Variants in PRTG observed in about 807,000 individuals in gnomAD.
PRTG encodes immunoglobulin superfamily, DCC subclass, member 5.
Under a neutral mutation model 122.5 loss-of-function variants are expected in PRTG, and 67 were observed. That is an observed-to-expected ratio of 0.55 (90% confidence interval 0.45 to 0.67). The LOEUF is 0.67. PRTG is among the 30% of genes least tolerant of loss of function. The probability of loss-of-function intolerance (pLI) is 0.00; values close to 1 mark genes in which losing one functional copy is unlikely to be tolerated. For synonymous variants in PRTG, 554 were observed against 501.1 expected (o/e 1.11, Z -1.41); for missense variants, 1,435 against 1,415.4 (o/e 1.01, Z -0.22).
intron 11 of PRTG, among the ~76,000 whole-genome samples, chr15:55,660,274 A>AAAACC (rs1195268278): frequency 6.6e-6 from 1 of 152,214 alleles, no homozygotes; most frequent in Non-Finnish European, 1.5e-5. Context: ...AAACAAAACA[A>AAAACC]AAACCACAAG....
chr15:55,612,696 C>G lies in PRTG; in HGVS notation c.*7316G>C. 1.1e-5 allele frequency: 1 copy of G among 90,598 alleles called. No individual in the cohort carries two copies. Among genetic ancestry groups the G allele is most frequent in the East Asian group, 2.7e-4 (1 of 3,728 alleles). 5.6% of individuals were successfully genotyped at this position (90,598 alleles called of 1,614,324 possible). ...ATTCTCTCTTTAACTCTTTAAAAGC[C>G]AATATATATATATATATATATATAT... On this transcript the variant is annotated 3_prime_UTR_variant, in exon 20 of 20. Coordinates refer to ENST00000389286, the MANE Select transcript of PRTG (RefSeq NM_173814.6).
At chr15:55,621,354 AAAAACAAAAC>A (rs990153907) in intron 18 of PRTG, among the ~76,000 whole-genome samples, 2 of 151,702 alleles carry the variant, frequency 1.3e-5, no homozygotes, top group Admixed American at 1.3e-4. Context: ...CCGTCTCAAA[AAAAACAAAAC>A]AAAACAAAAT....
intron 13 of PRTG, 90 bp from the exon 14 acceptor site, chr15:55,638,766 A>G: frequency 8.7e-7 from 1 of 1,153,376 alleles, no homozygotes; most frequent in Non-Finnish European, 1.2e-6. Flanking sequence ...TAAGGGCATA[A>G]TGTTATTTTT....
rs966246341 is a variant in PRTG at position 55,639,551 on chromosome 15, C to T, written c.2324+91G>A. 36 of 1,157,950 alleles carry T rather than the reference C, an allele frequency of 3.1e-5. No homozygotes were observed. In the African/African-American group the frequency reaches 4.6e-4, roughly 15 times the overall value. The allele number at this position is 1,157,950 out of a possible 1,614,324, so 71.7% of individuals were successfully genotyped here. A position where few individuals can be genotyped will look rare whatever the true frequency, so the allele number is the denominator to read the frequency against. ...GAAACAAATGCTTACAGGTGAAGCC[C>T]GAGCTGGGCCCAAGATGGTAAGAGG... On this transcript the variant is annotated intron_variant, in intron 13 of 19. Transcript: ENST00000389286.
chr15:55,671,502 T>C (rs2059471283), intron 11 of PRTG, among the ~76,000 whole-genome samples: 1 of 151,970 alleles, frequency 6.6e-6, no homozygotes, highest in Non-Finnish European at 1.5e-5. Flanking sequence ...CTTTTCTTTT[T>C]TCTTTTTTTT....
At chr15:55,620,290 C>A in intron 19 of PRTG, 24 bp from the exon 20 acceptor site, 1 of 1,611,368 alleles carries the variant, frequency 6.2e-7, no homozygotes, top group Non-Finnish European at 8.5e-7. Flanking sequence ...GATAAGATGG[C>A]AATGAGATAC....
chr15:55,726,019 C>T (rs1032701800), intron 2 of PRTG, among the ~76,000 whole-genome samples: 7 of 152,162 alleles, frequency 4.6e-5, no homozygotes, highest in African/African-American at 1.7e-4. Flanking sequence ...TCTCGGCTCA[C>T]TGCAACTTCC....
chr15:55,734,269 C>T (rs1047379834), intron 2 of PRTG, among the ~76,000 whole-genome samples: 1 of 152,100 alleles, frequency 6.6e-6, no homozygotes, highest in Non-Finnish European at 1.5e-5. Flanking sequence ...GAGTCAATCA[C>T]ATTCTGAGTA....
intron 2 of PRTG, among the ~76,000 whole-genome samples, chr15:55,734,992 C>T (rs1437944524): frequency 6.6e-6 from 1 of 152,184 alleles, no homozygotes; most frequent in Non-Finnish European, 1.5e-5. Context: ...AGGGCAACTG[C>T]AAATATTACT....
At chr15:55,651,098 A>C (rs2059350886) in intron 11 of PRTG, among the ~76,000 whole-genome samples, 1 of 152,200 alleles carries the variant, frequency 6.6e-6, no homozygotes, top group Non-Finnish European at 1.5e-5. Context: ...TTTGTAAAAC[A>C]GGGGCCCTAT....
chr15:55,628,139 G>A (rs1346925122), intron 16 of PRTG, among the ~76,000 whole-genome samples: 2 of 151,958 alleles, frequency 1.3e-5, no homozygotes, highest in East Asian at 1.9e-4. Flanking sequence ...CCCTGGCACC[G>A]AATGACCATT....
rs2059143759 is a variant in PRTG at position 55,616,800 on chromosome 15, A to G, written c.*3212T>C. ...ATAATTGTATTGCTTTTAATTATGT[A>G]AACTTAGCCCTTTGATATTTTTTGC... On this transcript the variant is annotated 3_prime_UTR_variant, in exon 20 of 20. Transcript: ENST00000389286. 6.6e-6 allele frequency: 1 copy of G among 152,154 alleles called. No individual in the cohort carries two copies. Among genetic ancestry groups the G allele is most frequent in the Non-Finnish European group, 1.5e-5 (1 of 67,978 alleles). 9.4% of individuals were successfully genotyped at this position (152,154 alleles called of 1,614,324 possible). A position where few individuals can be genotyped will look rare whatever the true frequency, so the allele number is the denominator to read the frequency against.
chr15:55,685,951 C>G (rs2059568246), intron 2 of PRTG, among the ~76,000 whole-genome samples: 1 of 152,100 alleles, frequency 6.6e-6, no homozygotes, highest in South Asian at 2.1e-4. Flanking sequence ...AGCTACTTTT[C>G]ATTGCTTCTG....
At chr15:55,688,764 G>A (rs2059584398) in intron 2 of PRTG, among the ~76,000 whole-genome samples, 1 of 152,184 alleles carries the variant, frequency 6.6e-6, no homozygotes, top group African/African-American at 2.4e-5. Flanking sequence ...AACCTGGGAG[G>A]CAGAGGTTGC....
chr15:55,680,813 A>T (rs1317861859), intron 4 of PRTG, among the ~76,000 whole-genome samples, 185 bp from the exon 5 acceptor site: 1 of 152,152 alleles, frequency 6.6e-6, no homozygotes, highest in Non-Finnish European at 1.5e-5. Context: ...TAGAGTTTTC[A>T]GAGTTGTACA....
chr15:55,640,113 T>C, intron 12 of PRTG: 2 of 274,846 alleles, frequency 7.3e-6, no homozygotes, highest in Non-Finnish European at 1.1e-5. Context: ...GCTGTCAGAG[T>C]GCAGTTACAC....
rs1282314533 is a variant in PRTG, at chr15:55,667,129, A to C, written c.2041+5316T>G. Reference sequence around the variant, plus strand: ...ATTTTTCCAAATGTAAAGAGGAGATATACCTCTAATTCATCCAGAGAACAC... The same window carrying C: ...ATTTTTCCAAATGTAAAGAGGAGATCTACCTCTAATTCATCCAGAGAACAC... On this transcript the variant is annotated intron_variant, in intron 11 of 19. Coordinates refer to ENST00000389286, the MANE Select transcript of PRTG (RefSeq NM_173814.6). Among the ~76,000 whole-genome samples the C allele has an allele frequency of 5.9e-5, 9 of 152,078 alleles. No homozygotes were observed. The East Asian group carries it at 1.7e-3, about 29-fold the overall frequency.
At chr15:55,725,967 C>CA (rs1407304640) in intron 2 of PRTG, among the ~76,000 whole-genome samples, 2 of 151,870 alleles carry the variant, frequency 1.3e-5, no homozygotes, top group African/African-American at 4.8e-5. Context: ...GTTTTTGAGA[C>CA]AGAGTCTCAC....
intron 2 of PRTG, among the ~76,000 whole-genome samples, chr15:55,713,907 T>C (rs1226156117): frequency 5.9e-5 from 9 of 152,156 alleles, no homozygotes; most frequent in African/African-American, 2.2e-4. Flanking sequence ...AAAAATTTGT[T>C]TTAACTTAAT....
Sources: gnomAD v4.1 joint callset for allele counts (sites outside exome capture counted in the v4.1 genomes callset) on GRCh38, gnomAD v4.1.1 for gene constraint, MANE v1.5 for transcripts, NCBI Gene and HGNC (gene_info 2026-07-23, HGNC 2026-07-21) for gene names.